The following MTHFD1L variants were observed in gnomAD, a reference collection of about 807,000 sequenced individuals.
MTHFD1L encodes the protein monofunctional C1-tetrahydrofolate synthase, mitochondrial.
A neutral mutation model predicts 119.5 loss-of-function variants in MTHFD1L; 81 were observed. The observed-to-expected ratio is 0.68, with a 90% CI of 0.57 to 0.82. The LOEUF (loss-of-function observed/expected upper bound fraction) is 0.82, where lower values mean the gene tolerates loss of function less well. MTHFD1L is among the 40% of genes least tolerant of loss of function. MTHFD1L has a pLI of 0.00. For synonymous variants in MTHFD1L, 430 were observed against 475.2 expected (o/e 0.90, Z 1.24); for missense variants, 1,125 against 1,253.4 (o/e 0.90, Z 1.55).
intron 19 of MTHFD1L, among the ~76,000 whole-genome samples, chr6:150,968,060 G>A (rs1797483545): frequency 6.6e-6 from 1 of 151,914 alleles, no homozygotes; most frequent in African/African-American, 2.4e-5. Flanking sequence ...ATATTCTCAT[G>A]TCCAGCTCCT....
At chr6:150,943,707 T>C (rs1312954830) in intron 13 of MTHFD1L, among the ~76,000 whole-genome samples, 1 of 152,114 alleles carries the variant, frequency 6.6e-6, no homozygotes, top group African/African-American at 2.4e-5. Flanking sequence ...CAAAAGATTA[T>C]TATAGAAAAA....
At chr6:150,969,512 C>CAA (rs35902929) in intron 19 of MTHFD1L, among the ~76,000 whole-genome samples, 7,288 of 126,606 alleles carry the variant, frequency 0.058, 397 homozygotes, top group Admixed American at 0.15. Context: ...GACCCTGCCT[C>CAA]AAAAAAAAAA....
At chr6:150,866,787 C>T (rs370611658) in intron 1 of MTHFD1L, among the ~76,000 whole-genome samples, 2 of 152,326 alleles carry the variant, frequency 1.3e-5, no homozygotes, top group Middle Eastern at 3.4e-3. Context: ...GCCCCGGGCC[C>T]GGCCTTTCCC....
intron 10 of MTHFD1L, among the ~76,000 whole-genome samples, chr6:150,923,417 A>G (rs1049807965): frequency 3.6e-4 from 55 of 152,030 alleles, no homozygotes; most frequent in African/African-American, 1.3e-3. Context: ...CCAGGTGTGC[A>G]TAATACTAGG....
At position 150,945,543 on chromosome 6, in the gene MTHFD1L, T is replaced by G. The variant is rs997854039; in HGVS notation, c.1623+2T>G. ...GAAATTCAGCTTGCTCGGCTAAAAG[T>G]AAGTTTCCAGTTAGCAATTCTTTAA... is the stretch of plus-strand genomic sequence containing the variant. On this transcript the variant is annotated splice_donor_variant, in intron 15 of 27. Transcript: ENST00000367321. LOFTEE classifies it high-confidence loss of function. The G allele has an allele frequency of 1.9e-6, 3 of 1,613,188 alleles. No individual in the cohort carries two copies. Among genetic ancestry groups the G allele is most frequent in the Non-Finnish European group, 2.5e-6 (3 of 1,179,394 alleles).
At chr6:150,886,994 G>GAA (rs200424889) in intron 6 of MTHFD1L, among the ~76,000 whole-genome samples, 3 of 103,182 alleles carry the variant, frequency 2.9e-5, no homozygotes, top group Non-Finnish European at 6.1e-5. Context: ...GATCCTATCT[G>GAA]AAAAAAAAAA....
intron 27 of MTHFD1L, among the ~76,000 whole-genome samples, chr6:151,097,976 C>G (rs1301112040): frequency 2.0e-5 from 3 of 152,046 alleles, no homozygotes; most frequent in Non-Finnish European, 2.9e-5. Context: ...GAATTCGAGA[C>G]CAGCCTGGGA....
At chr6:151,034,166 T>TA (rs540927851) in intron 24 of MTHFD1L, among the ~76,000 whole-genome samples, 152 of 143,834 alleles carry the variant, frequency 1.1e-3, no homozygotes, top group Middle Eastern at 3.6e-3. Context: ...GATACTGTCT[T>TA]AAAAAAAAAA....
At chr6:150,968,038 G>A (rs1420094883) in intron 19 of MTHFD1L, among the ~76,000 whole-genome samples, 1 of 151,490 alleles carries the variant, frequency 6.6e-6, no homozygotes, top group Admixed American at 6.6e-5. Flanking sequence ...CCACTACCTG[G>A]GCCACTTCCT....
chr6:151,057,278 T>G (rs1037284281), intron 26 of MTHFD1L: 1 of 985,232 alleles, frequency 1.0e-6, no homozygotes, highest in Non-Finnish European at 1.2e-6. Flanking sequence ...CAACCTCCCC[T>G]TTCTGGAATG....
At chr6:150,869,649 G>A (rs1028873161) in intron 1 of MTHFD1L, among the ~76,000 whole-genome samples, 12 of 150,424 alleles carry the variant, frequency 8.0e-5, no homozygotes, top group African/African-American at 2.7e-4. Flanking sequence ...GAGCCACCAC[G>A]CCTGGCTATA....
At chr6:151,048,116 A>G (rs899905503) in intron 26 of MTHFD1L, among the ~76,000 whole-genome samples, 1 of 152,090 alleles carries the variant, frequency 6.6e-6, no homozygotes, top group African/African-American at 2.4e-5. Context: ...CTCCTCCAAC[A>G]CTGAAGATCA....
chr6:150,971,479 G>A (rs577755593), intron 19 of MTHFD1L, among the ~76,000 whole-genome samples: 51 of 152,284 alleles, frequency 3.3e-4, no homozygotes, highest in African/African-American at 1.2e-3. Context: ...GATTACAGGC[G>A]TGAGTCACTG....
intron 24 of MTHFD1L, among the ~76,000 whole-genome samples, chr6:151,032,576 C>G (rs1368346168): frequency 6.6e-6 from 1 of 152,158 alleles, no homozygotes; most frequent in East Asian, 1.9e-4. Flanking sequence ...CCACATCAAC[C>G]CTTTATTGTA....
At chr6:150,997,216 C>T (rs985166659) in intron 20 of MTHFD1L, among the ~76,000 whole-genome samples, 2 of 152,180 alleles carry the variant, frequency 1.3e-5, no homozygotes, top group Non-Finnish European at 2.9e-5. Context: ...GTGAGGGCCA[C>T]GGGCTAGTGC....
At chr6:150,912,997 CTTATTTTTATTTTTT>C (rs1446200562) in intron 8 of MTHFD1L, 5 of 156,454 alleles carry the variant, frequency 3.2e-5, no homozygotes, top group Non-Finnish European at 2.8e-5. Context: ...GGATTCAGAA[CTTATTTTTATTTTTT>C]TTATTTTTAT....
At chr6:150,960,844 T>A (rs1415503490) in intron 18 of MTHFD1L, among the ~76,000 whole-genome samples, 1 of 152,156 alleles carries the variant, frequency 6.6e-6, no homozygotes, top group Non-Finnish European at 1.5e-5. Context: ...AAGTTAAAAT[T>A]GGCACATTTC....
At chr6:150,979,587 G>A (rs998776244) in intron 20 of MTHFD1L, among the ~76,000 whole-genome samples, 12 of 151,988 alleles carry the variant, frequency 7.9e-5, no homozygotes, top group Admixed American at 3.9e-4. Context: ...TGCAACCTCC[G>A]CCTCCCGGGT....
At chr6:151,043,814 T>A (rs1787523931) in intron 26 of MTHFD1L, among the ~76,000 whole-genome samples, 1 of 152,072 alleles carries the variant, frequency 6.6e-6, no homozygotes, top group South Asian at 2.1e-4. Context: ...TTTTGTAAAT[T>A]AGATAGCCAG....
Sources: gnomAD v4.1 joint callset for allele counts (sites outside exome capture counted in the v4.1 genomes callset) on GRCh38, gnomAD v4.1.1 for gene constraint, MANE v1.5 for transcripts, NCBI Gene and HGNC (gene_info 2026-07-23, HGNC 2026-07-21) for gene names.